The following PCDH19 variants were observed in gnomAD, a reference collection of about 807,000 sequenced individuals.
PCDH19 encodes protocadherin 19.
A neutral mutation model predicts 46.2 loss-of-function variants in PCDH19; 6 were observed. That is an observed-to-expected ratio of 0.13 (90% confidence interval 0.07 to 0.26). PCDH19 has a LOEUF of 0.26. Among genes scored for constraint, PCDH19 ranks in the 10% least tolerant of loss-of-function variants. The pLI is 1.00. For missense variants in PCDH19, 740 were observed against 972.3 expected, an observed-to-expected ratio of 0.76 and a Z score of 3.18; for synonymous variants, 481 against 415.7, an observed-to-expected ratio of 1.16 and a Z score of -1.91.
rs59564734 is a variant in PCDH19, at chrX:100,409,709, T to TCCGCCGCCG, written c.-1121_-1113dup. On this transcript the variant is annotated 5_prime_UTR_variant, in exon 1 of 6. Coordinates refer to ENST00000373034, the MANE Select transcript of PCDH19 (RefSeq NM_001184880.2). ...TTTGGGCTGGGGTGTCGCTCCAAGGTCCGCCGCCGCCGCCGCCGCCGCCGC... is the reference window on the plus strand; with the variant it reads ...TTTGGGCTGGGGTGTCGCTCCAAGGTCCGCCGCCGCCGCCGCCGCCGCCGCCGCCGCCGC... The TCCGCCGCCG allele has an allele frequency of 0.058, 13,930 of 241,408 alleles. 585 individuals carry two copies. The highest frequency in any genetic ancestry group is 0.082 in the Middle Eastern group (60 of 734). The allele number at this position is 241,408 out of a possible 1,213,427, so 19.9% of individuals were successfully genotyped here. A position where few individuals can be genotyped will look rare whatever the true frequency, so the allele number is the denominator to read the frequency against.
intron 3 of PCDH19, among the ~76,000 whole-genome samples, chrX:100,381,987 A>T (rs2147517384): frequency 9.0e-6 from 1 of 111,106 alleles, no homozygotes; most frequent in Non-Finnish European, 1.9e-5. Flanking sequence ...ACAACTCTAT[A>T]AGCTAGAGAA....
Position 100,400,559 on chromosome X carries a change from G to C in PCDH19, c.2616+1965C>G, listed in dbSNP as rs185453518. The stretch of plus-strand genomic sequence containing the variant: ...CTATTGGTGATCCACAAGTAGTCTT[G>C]TAAGTAGTCTACGGCCTAGGCCTTA... On this transcript the variant is annotated intron_variant, in intron 3 of 5. Coordinates refer to ENST00000373034, the MANE Select transcript of PCDH19 (RefSeq NM_001184880.2). Among the ~76,000 whole-genome samples, 22 of 112,822 alleles carry C rather than the reference G, an allele frequency of 1.9e-4. No homozygotes were observed. In the Admixed American group the frequency reaches 2.0e-3, roughly 10 times the overall value.
intron 5 of PCDH19, among the ~76,000 whole-genome samples, chrX:100,313,893 A>ACG (rs1925211076): frequency 1.0e-5 from 1 of 97,178 alleles, no homozygotes; most frequent in Non-Finnish European, 2.1e-5. Flanking sequence ...ACACACACAC[A>ACG]CACACACACA....
Position 100,408,116 on chromosome X carries a change from A to G in PCDH19, c.482T>C (p.Phe161Ser), listed in dbSNP as rs371028786. The change falls in exon 1 of 6, where the codon TTT (phenylalanine) becomes TCT (serine). Residue 161 changes from phenylalanine (F) to serine (S), a missense_variant. Physicochemically the swap from Phe to Ser is radical, Grantham distance 155. Transcript: ENST00000373034. ...CGTGAGCTCGTAAGTCTGCACGCCAAAGCTTCCTGAGTCTGGATCGTAAGC... is the reference window on the plus strand; with the variant it reads ...CGTGAGCTCGTAAGTCTGCACGCCAGAGCTTCCTGAGTCTGGATCGTAAGC... The part of the protein sequence containing the change: ...DSAYDPDSGS[F>S]GVQTYELTPN... 1.7e-5 allele frequency: 20 copies of G among 1,209,856 alleles called. No homozygotes were observed. The highest frequency in any genetic ancestry group is 2.0e-5 in the Non-Finnish European group (18 of 895,424).
chrX:100,363,827 C>T (rs1202429874), intron 3 of PCDH19, among the ~76,000 whole-genome samples: 1 of 98,274 alleles, frequency 1.0e-5, no homozygotes, highest in Non-Finnish European at 2.0e-5. Context: ...CCATCTACCA[C>T]AGCAGACACT....
intron 3 of PCDH19, among the ~76,000 whole-genome samples, chrX:100,363,691 T>C (rs1926970766): frequency 1.8e-5 from 1 of 56,278 alleles, no homozygotes; most frequent in East Asian, 3.4e-4. Context: ...AAACATATTT[T>C]ATATATAATA....
chrX:100,312,903 T>A lies in PCDH19; in HGVS notation c.2849-16028A>T, dbSNP rs767866609. ...GTAGGAGTAGCAGAAGGCTCTCTGG[T>A]TGAGATGACCTGAATTAAGACACTC... On this transcript the variant is annotated intron_variant, in intron 5 of 5. Transcript: ENST00000373034. Among the ~76,000 whole-genome samples, 3 of 111,024 alleles carry A rather than the reference T, an allele frequency of 2.7e-5. No individual in the cohort carries two copies. The South Asian group carries it at 1.2e-3, about 43-fold the overall frequency.
At chrX:100,304,356 C>A (rs781348332) in intron 5 of PCDH19, among the ~76,000 whole-genome samples, 137 of 111,358 alleles carry the variant, frequency 1.2e-3, no homozygotes, top group African/African-American at 4.3e-3. Flanking sequence ...GAATCCCCAT[C>A]CCCAGGGGAA....
Position 100,406,879 on chromosome X carries a change from G to A in PCDH19, c.1719C>T (p.Ala573=), listed in dbSNP as rs1243801719. Reference sequence around the variant, plus strand: ...CAGAGTTGCGGGGTATGTAGACCTCGGCAGTGCCGTTAATCAGAGGTGGGG... The same window carrying A: ...CAGAGTTGCGGGGTATGTAGACCTCAGCAGTGCCGTTAATCAGAGGTGGGG... ...ITAPPLINGT[A]EVYIPRNSGI... The change falls in exon 1 of 6, where the codon GCC becomes GCT. Residue 573 remains alanine (A), a synonymous_variant. Coordinates refer to ENST00000373034, the MANE Select transcript of PCDH19 (RefSeq NM_001184880.2). The A allele has an allele frequency of 8.3e-7, 1 of 1,211,865 alleles. No individual in the cohort carries two copies. The highest frequency in any genetic ancestry group is 1.1e-6 in the Non-Finnish European group (1 of 895,484).
intron 3 of PCDH19, among the ~76,000 whole-genome samples, chrX:100,367,104 CA>C (rs1166225932): frequency 8.9e-6 from 1 of 112,797 alleles, no homozygotes; most frequent in Non-Finnish European, 1.9e-5. Context: ...GGCTTCCCCA[CA>C]ATTGAAAAGA....
chrX:100,382,167 T>C (rs1399131514), intron 3 of PCDH19, among the ~76,000 whole-genome samples: 2 of 110,475 alleles, frequency 1.8e-5, no homozygotes, highest in Non-Finnish European at 3.8e-5. Flanking sequence ...TTTGGCAGAG[T>C]TCACACATTT....
At chrX:100,302,783 T>C (rs1179096215) in intron 5 of PCDH19, among the ~76,000 whole-genome samples, 2 of 111,734 alleles carry the variant, frequency 1.8e-5, no homozygotes, top group Non-Finnish European at 3.8e-5. Context: ...TTTTAAGCTC[T>C]GGATGAGCAA....
chrX:100,347,961 G>A (rs1172940621), intron 4 of PCDH19, among the ~76,000 whole-genome samples: 17 of 106,147 alleles, frequency 1.6e-4, no homozygotes, highest in African/African-American at 5.9e-4. Context: ...AGCTACTCAG[G>A]AGGCTAAGGC....
At chrX:100,345,081 T>C (rs1004422114) in intron 4 of PCDH19, among the ~76,000 whole-genome samples, 1 of 110,607 alleles carries the variant, frequency 9.0e-6, no homozygotes, top group South Asian at 3.9e-4. Context: ...TCAGTTTCTT[T>C]ATCTGTAAAA....
At position 100,333,199 on chromosome X, in the gene PCDH19, A is replaced by G. The variant is rs578031605; in HGVS notation, c.2848+8704T>C. ...GGAGAGAGAGAGAAAGAAAGAAAGA[A>G]AGAAAGAAAGAAAGAAAGAAAGAAA... On this transcript the variant is annotated intron_variant, in intron 5 of 5. Coordinates refer to ENST00000373034, the MANE Select transcript of PCDH19 (RefSeq NM_001184880.2). 5.9e-3 allele frequency among the ~76,000 whole-genome samples: 420 copies of G among 70,602 alleles called. 4 individuals are homozygous for G. Among genetic ancestry groups the G allele is most frequent in the African/African-American group, 0.012 (234 of 19,587 alleles). 61.3% of individuals were successfully genotyped at this position (70,602 alleles called of 115,157 possible).
intron 5 of PCDH19, among the ~76,000 whole-genome samples, chrX:100,300,399 A>G (rs1024995116): frequency 8.9e-6 from 1 of 112,132 alleles, no homozygotes; most frequent in Non-Finnish European, 1.9e-5. Flanking sequence ...GTAGCATCAC[A>G]AACTGTCAAG....
intron 3 of PCDH19, among the ~76,000 whole-genome samples, chrX:100,356,743 C>A (rs931842025): frequency 8.6e-5 from 8 of 92,886 alleles, no homozygotes; most frequent in African/African-American, 1.2e-4. Context: ...CCCCACACAC[C>A]CCAGCCCTAA....
Position 100,402,631 on chromosome X carries a change from T to C in PCDH19, c.2509A>G (p.Asn837Asp), listed in dbSNP as rs1284670769. 4 of 1,209,331 alleles carry C rather than the reference T, an allele frequency of 3.3e-6. No homozygotes were observed. Among genetic ancestry groups the C allele is most frequent in the Admixed American group, 4.4e-5 (2 of 45,776 alleles). ...RSESTFLNVE[N>D]QNTRNTSANH... ...GCACTGGTGTTGCGGGTATTCTGGT[T>C]CTCCACATTCAGGAAAGTGCTCTCA... The change falls in exon 3 of 6, where the codon AAC becomes GAC. Residue 837 changes from asparagine (N) to aspartate (D), a missense_variant. Asn to Asp is a conservative substitution (Grantham distance 23). Coordinates refer to ENST00000373034, the MANE Select transcript of PCDH19 (RefSeq NM_001184880.2).
At chrX:100,394,092 G>A (rs1475773643) in intron 3 of PCDH19, among the ~76,000 whole-genome samples, 1 of 111,734 alleles carries the variant, frequency 8.9e-6, no homozygotes, top group Non-Finnish European at 1.9e-5. Flanking sequence ...GCTTGAACCC[G>A]GGAGGCAGAG....
Sources: allele counts gnomAD v4.1 joint callset (sites outside exome capture counted in the v4.1 genomes callset), GRCh38; gene constraint gnomAD v4.1.1; transcripts MANE v1.5; gene names NCBI Gene and HGNC (gene_info 2026-07-23, HGNC 2026-07-21).